The following KDM4C variants were observed in gnomAD, a reference collection of about 807,000 sequenced individuals.
KDM4C encodes lysine-specific demethylase 4C.
KDM4C carries 81 observed loss-of-function variants against 129.3 expected under a neutral mutation model. That is an observed-to-expected ratio of 0.63 (90% CI 0.52 to 0.75). KDM4C has a LOEUF of 0.75. Ranked by LOEUF, KDM4C falls within the 30% of genes least tolerant of loss-of-function variation. The pLI, the probability that KDM4C is intolerant of heterozygous loss-of-function variation, is 0.00. For synonymous variants in KDM4C, 573 were observed against 456.1 expected (o/e 1.26, Z -3.26); for missense variants, 1,457 against 1,304.0 (o/e 1.12, Z -1.81).
At chr9:6,837,352 C>G (rs1474964114) in intron 4 of KDM4C, among the ~76,000 whole-genome samples, 2 of 152,178 alleles carry the variant, frequency 1.3e-5, no homozygotes, top group African/African-American at 2.4e-5. Flanking sequence ...CTACTCTGCC[C>G]AGCTTATAAT....
chr9:6,948,408 T>G (rs372022538), intron 8 of KDM4C, among the ~76,000 whole-genome samples: 22 of 149,270 alleles, frequency 1.5e-4, no homozygotes, highest in South Asian at 1.3e-3. Context: ...AAAAGTGACC[T>G]TGTAGAAAGG....
At chr9:7,119,340 G>A (rs1373455891) in intron 18 of KDM4C, among the ~76,000 whole-genome samples, 1 of 152,108 alleles carries the variant, frequency 6.6e-6, no homozygotes, top group African/African-American at 2.4e-5. Flanking sequence ...AAAAATTTGT[G>A]TCTTAGAAAA....
intron 8 of KDM4C, among the ~76,000 whole-genome samples, chr9:6,939,281 G>A (rs1025711560): frequency 3.9e-5 from 6 of 152,046 alleles, no homozygotes; most frequent in Non-Finnish European, 8.8e-5. Flanking sequence ...ACATGGGAGG[G>A]ATCTAGGTTG....
intron 18 of KDM4C, among the ~76,000 whole-genome samples, chr9:7,108,370 G>A (rs1202401733): frequency 2.6e-5 from 4 of 152,046 alleles, no homozygotes; most frequent in African/African-American, 9.7e-5. Context: ...CCAAGTAGCT[G>A]GGACTACAGG....
chr9:7,011,526 T>C (rs1822688339), intron 12 of KDM4C, among the ~76,000 whole-genome samples, 172 bp from the exon 13 acceptor site: 2 of 152,192 alleles, frequency 1.3e-5, no homozygotes, highest in South Asian at 2.1e-4. Flanking sequence ...AGGAGGATTA[T>C]AAGGCAACTT....
chr9:6,862,523 C>T (rs565488762), intron 5 of KDM4C, among the ~76,000 whole-genome samples: 16 of 152,254 alleles, frequency 1.1e-4, no homozygotes, highest in African/African-American at 3.9e-4. Flanking sequence ...AAACTTCAGG[C>T]TGGGTGTGGT....
At chr9:6,730,927 T>G (rs1302378640) in intron 1 of KDM4C, among the ~76,000 whole-genome samples, 4 of 152,164 alleles carry the variant, frequency 2.6e-5, no homozygotes, top group African/African-American at 9.7e-5. Flanking sequence ...CTAATTTAGT[T>G]TTCAATCTTG....
chr9:6,927,094 TCTA>T (rs575426029), intron 8 of KDM4C, among the ~76,000 whole-genome samples: 889 of 78,838 alleles, frequency 0.011, 7 homozygotes, highest in Non-Finnish European at 0.017. Flanking sequence ...AAATTTTCTA[TCTA>T]TCTATCTATC....
intron 17 of KDM4C, among the ~76,000 whole-genome samples, chr9:7,064,142 G>A (rs559283387): frequency 3.3e-5 from 5 of 152,228 alleles, no homozygotes; most frequent in African/African-American, 1.2e-4. Context: ...AGTTTTGGTA[G>A]GCCTACCTTT....
rs370826096 is a variant in KDM4C at position 6,971,041 on chromosome 9, C to G, written c.922-9884C>G. 5.9e-5 allele frequency among the ~76,000 whole-genome samples: 9 copies of G among 152,176 alleles called. No individual in the cohort carries two copies. In the East Asian group the frequency reaches 1.2e-3, roughly 20 times the overall value. ...TATGCACTGGTGATGACAGCGCATT[C>G]CTTTTTTTTAAAAAGAAAAGATTTA... On this transcript the variant is annotated intron_variant, in intron 8 of 21. Coordinates refer to ENST00000381309, the MANE Select transcript of KDM4C (RefSeq NM_015061.6).
intron 18 of KDM4C, among the ~76,000 whole-genome samples, chr9:7,112,890 G>A (rs558547363): frequency 1.3e-4 from 20 of 152,188 alleles, no homozygotes; most frequent in Middle Eastern, 3.4e-3. Context: ...ATGTTTTGCC[G>A]ATGATAGAAT....
At chr9:6,919,277 C>G (rs528457284) in intron 8 of KDM4C, among the ~76,000 whole-genome samples, 183 of 34,604 alleles carry the variant, frequency 5.3e-3, no homozygotes, top group Middle Eastern at 0.045. Flanking sequence ...CTTTCTGTCT[C>G]TCTCTCTCTC....
At chr9:6,905,664 C>G (rs1243631359) in intron 8 of KDM4C, among the ~76,000 whole-genome samples, 1 of 152,154 alleles carries the variant, frequency 6.6e-6, no homozygotes, top group African/African-American at 2.4e-5. Flanking sequence ...TTAACTATAG[C>G]AGGGTATCTT....
chr9:6,945,684 C>G (rs952023874), intron 8 of KDM4C, among the ~76,000 whole-genome samples: 13 of 152,024 alleles, frequency 8.6e-5, no homozygotes, highest in Admixed American at 2.0e-4. Flanking sequence ...TCATTTAAAA[C>G]CAGGATTTTA....
chr9:6,898,498 A>G lies in KDM4C; in HGVS notation c.921+5266A>G, dbSNP rs567034320. 1.9e-4 allele frequency among the ~76,000 whole-genome samples: 29 copies of G among 152,344 alleles called. 1 individual carries two copies. In the East Asian group the frequency reaches 3.3e-3, roughly 17 times the overall value. On this transcript the variant is annotated intron_variant, in intron 8 of 21. Coordinates refer to ENST00000381309, the MANE Select transcript of KDM4C (RefSeq NM_015061.6). ...TTTAATTTTAAGTGATCATATTAACATGATATGTCAGAAAGTTGAAAAACT... is the reference window on the plus strand; with the variant it reads ...TTTAATTTTAAGTGATCATATTAACGTGATATGTCAGAAAGTTGAAAAACT...
At chr9:6,954,438 A>G (rs1033904207) in intron 8 of KDM4C, among the ~76,000 whole-genome samples, 9 of 152,156 alleles carry the variant, frequency 5.9e-5, no homozygotes, top group Non-Finnish European at 1.3e-4. Flanking sequence ...GAATAAAATG[A>G]AGGATTTTAT....
In KDM4C at chr9:7,169,873, A is replaced by G; in HGVS notation, c.2977A>G (p.Arg993Gly). The G allele has an allele frequency of 6.2e-7, 1 of 1,614,078 alleles. No homozygotes were observed. Among genetic ancestry groups the G allele is most frequent in the Non-Finnish European group, 8.5e-7 (1 of 1,179,946 alleles). Residue 993 changes from arginine to glycine, a missense_variant, in exon 21 of 22, where the codon AGA becomes GGA. Physicochemically the swap from Arg to Gly is moderately radical, Grantham distance 125. Coordinates refer to ENST00000381309, the MANE Select transcript of KDM4C (RefSeq NM_015061.6). ...CACTTTAGATGAAGAGTTACCCAAG[A>G]GAGTGAAAGCTCGATTTGTAAGTGC... is the stretch of plus-strand genomic sequence containing the variant. Reference protein sequence around the residue: ...IYTLDEELPKRVKARFSTASD... With the variant: ...IYTLDEELPKGVKARFSTASD...
intron 8 of KDM4C, among the ~76,000 whole-genome samples, chr9:6,896,516 C>A (rs1398858223): frequency 6.6e-6 from 1 of 150,530 alleles, no homozygotes; most frequent in Non-Finnish European, 1.5e-5. Flanking sequence ...TAATACAAAC[C>A]AGTATTTTTA....
intron 1 of KDM4C, among the ~76,000 whole-genome samples, chr9:6,789,453 C>G (rs891979710): frequency 6.6e-6 from 1 of 152,088 alleles, no homozygotes; most frequent in Admixed American, 6.6e-5. Flanking sequence ...CTCCTGACCT[C>G]AGGTGATCCA....
Sources: gnomAD v4.1 joint callset for allele counts (sites outside exome capture counted in the v4.1 genomes callset) on GRCh38, gnomAD v4.1.1 for gene constraint, MANE v1.5 for transcripts, NCBI Gene and HGNC (gene_info 2026-07-23, HGNC 2026-07-21) for gene names.